PARVB: variants seen among roughly 807,000 people sequenced by gnomAD.
PARVB encodes the protein beta-parvin.
In PARVB, 46 loss-of-function variants were observed where a neutral mutation model predicts 47.0. That is an observed-to-expected ratio of 0.98 (90% confidence interval 0.77 to 1.25). The LOEUF is 1.25. PARVB is among the 50% of genes most tolerant of loss of function. The pLI, the probability that PARVB is intolerant of heterozygous loss-of-function variation, is 0.00. For missense variants in PARVB, 473 were observed against 471.6 expected (o/e 1.00, Z -0.03); for synonymous variants, 196 against 196.3 (o/e 1.00, Z 0.01).
Position 43,999,488 on chromosome 22 carries a change from G to A in PARVB, c.72-46G>A, listed in dbSNP as rs771018643. 3 of 1,555,234 alleles carry A rather than the reference G, an allele frequency of 1.9e-6. No homozygotes were observed. The African/African-American group carries it at 4.1e-5, about 21-fold the overall frequency. On this transcript the variant is annotated intron_variant, in intron 1 of 13. Coordinates refer to the PARVB transcript ENST00000406477. ...GAAGTCCAAATTTCTAGCTTCTCTT[G>A]AGAAACTGGATCCGACAAACAAAAA...
At position 44,172,938 on chromosome 22, in the gene PARVB, C is replaced by G; in HGVS notation, c.*4260C>G. 8.0e-7 allele frequency: 1 copy of G among 1,253,858 alleles called. No homozygotes were observed. The highest frequency in any genetic ancestry group is 1.0e-6 in the Non-Finnish European group (1 of 957,986). 77.7% of individuals were successfully genotyped at this position (1,253,858 alleles called of 1,614,324 possible). A position where few individuals can be genotyped will look rare whatever the true frequency, so the allele number is the denominator to read the frequency against. On this transcript the variant is annotated 3_prime_UTR_variant, in exon 13 of 13. Coordinates refer to ENST00000338758, the MANE Select transcript of PARVB (RefSeq NM_013327.5). ...TTTATTCCAATAAAGACCTCGTGAG[C>G]ATGGGCCTGTCCACCGTCTTTGTTT...
intron 1 of PARVB, among the ~76,000 whole-genome samples, chr22:44,061,712 G>A (rs1225009971): frequency 6.6e-6 from 1 of 151,644 alleles, no homozygotes; most frequent in Non-Finnish European, 1.5e-5. Context: ...TGCCTCCTGG[G>A]TTCAAGCAAT....
At chr22:44,133,756 C>T (rs961675992) in intron 6 of PARVB, among the ~76,000 whole-genome samples, 3 of 152,178 alleles carry the variant, frequency 2.0e-5, no homozygotes, top group Non-Finnish European at 2.9e-5. Context: ...AAGCTGGTCT[C>T]GAAGTCCTGG....
intron 12 of PARVB, among the ~76,000 whole-genome samples, chr22:44,166,439 G>A (rs1326358205): frequency 6.6e-6 from 1 of 152,208 alleles, no homozygotes; most frequent in African/African-American, 2.4e-5. Flanking sequence ...AGTGAGGCAG[G>A]AGCCTGTCCA....
Position 44,100,127 on chromosome 22 carries a change from A to T in PARVB, c.273+4A>T, listed in dbSNP as rs369658995. ...CAAGTTCAAGGAACTGGTCAAGGTAAGGAGCTCCGTCTTGGTTGGAATCTT... is the reference window on the plus strand; with the variant it reads ...CAAGTTCAAGGAACTGGTCAAGGTATGGAGCTCCGTCTTGGTTGGAATCTT... On this transcript the variant is annotated splice_donor_region_variant and intron_variant, in intron 3 of 12. Transcript: ENST00000338758. The T allele has an allele frequency of 2.5e-6, 4 of 1,611,122 alleles. No homozygotes were observed. The African/African-American group carries it at 5.3e-5, about 22-fold the overall frequency.
At chr22:44,088,529 T>C (rs1251053094) in intron 1 of PARVB, among the ~76,000 whole-genome samples, 1 of 152,180 alleles carries the variant, frequency 6.6e-6, no homozygotes, top group African/African-American at 2.4e-5. Context: ...TGGAGTGAAG[T>C]GGCACAACCT....
chr22:44,119,099 A>G lies in PARVB; in HGVS notation c.335A>G (p.Glu112Gly), dbSNP rs1268492708. ...GAGAGGATCATTGTGAAGCAGCTGG[A>G]GGAAGACCTGTATGACGGCCAGGTG... is the stretch of plus-strand genomic sequence containing the variant. ...VEERIIVKQLEEDLYDGQVLQ... is the reference protein window; with the variant it reads ...VEERIIVKQLGEDLYDGQVLQ... The change falls in exon 4 of 13, where the codon GAG (glutamate) becomes GGG (glycine). Residue 112 changes from glutamate (E) to glycine (G), a missense_variant. Glu to Gly is a moderately conservative substitution (Grantham distance 98, BLOSUM62 -2). Coordinates refer to ENST00000338758, the MANE Select transcript of PARVB (RefSeq NM_013327.5). The G allele has an allele frequency of 1.2e-6, 2 of 1,614,098 alleles. No individual in the cohort carries two copies. The highest frequency in any genetic ancestry group is 2.2e-5 in the South Asian group (2 of 91,074).
At chr22:44,093,153 AGCAAGGGTTTT>A (rs901878112) in intron 1 of PARVB, among the ~76,000 whole-genome samples, 59 of 152,208 alleles carry the variant, frequency 3.9e-4, no homozygotes, top group Admixed American at 2.7e-3. Flanking sequence ...ACATTACAGA[AGCAAGGGTTTT>A]GGCACCTGGT....
chr22:44,147,553 AG>A (rs1280265963), intron 8 of PARVB: 1 of 478,330 alleles, frequency 2.1e-6, no homozygotes, highest in Admixed American at 2.6e-5. Flanking sequence ...AGGACGTGGC[AG>A]GTGCAGATGC....
chr22:44,106,056 C>T (rs532584706), intron 3 of PARVB: 4 of 152,088 alleles, frequency 2.6e-5, no homozygotes, highest in Non-Finnish European at 4.4e-5. Flanking sequence ...TCTCAAACTC[C>T]TGACCTCAAG....
chr22:44,064,397 C>G lies in PARVB; in HGVS notation c.113-29531C>G, dbSNP rs182121370. ...TCAGAGCAGGAAATGTGTGTGGACTCGCGTTTGTTGAAGGGCCTGGCCGAG... is the reference window on the plus strand; with the variant it reads ...TCAGAGCAGGAAATGTGTGTGGACTGGCGTTTGTTGAAGGGCCTGGCCGAG... On this transcript the variant is annotated intron_variant, in intron 1 of 12. Transcript: ENST00000338758. 4.0e-3 allele frequency among the ~76,000 whole-genome samples: 604 copies of G among 152,132 alleles called. 2 individuals are homozygous for G. The highest frequency in any genetic ancestry group is 0.014 in the African/African-American group (568 of 41,492).
At chr22:44,081,035 C>T (rs910858703) in intron 1 of PARVB, among the ~76,000 whole-genome samples, 1 of 152,210 alleles carries the variant, frequency 6.6e-6, no homozygotes, top group Non-Finnish European at 1.5e-5. Context: ...CCCTCCATCC[C>T]TTGTTTGGGG....
chr22:44,007,903 T>C (rs950260911), intron 2 of PARVB, among the ~76,000 whole-genome samples: 4 of 152,218 alleles, frequency 2.6e-5, no homozygotes, highest in African/African-American at 9.6e-5. Context: ...GTGCCTCATC[T>C]AAGCAGGATC....
chr22:44,057,326 A>G (rs938049278), intron 1 of PARVB, among the ~76,000 whole-genome samples: 2 of 152,228 alleles, frequency 1.3e-5, no homozygotes, highest in Non-Finnish European at 2.9e-5. Context: ...CGAGTCATAT[A>G]TAATGGGATT....
chr22:44,027,741 C>T (rs933358076), intron 1 of PARVB, among the ~76,000 whole-genome samples: 4 of 151,788 alleles, frequency 2.6e-5, no homozygotes, highest in African/African-American at 4.8e-5. Context: ...CCAGTAAAAA[C>T]GCAAAAATTA....
intron 11 of PARVB, among the ~76,000 whole-genome samples, chr22:44,163,132 C>G (rs538772763): frequency 6.6e-6 from 1 of 152,166 alleles, no homozygotes; most frequent in African/African-American, 2.4e-5. Flanking sequence ...TGCCTCTGCA[C>G]GGGACTCATC....
exon 2 of PARVB, chr22:43,999,557 G>C: frequency 6.2e-7 from 1 of 1,602,256 alleles, no homozygotes; most frequent in African/African-American, 1.3e-5. Context: ...CTGAGACGTG[G>C]GTGTTCCTGC....
At chr22:44,021,759 TCACACACACACACA>T (rs3223605), upstream of PARVB, among the ~76,000 whole-genome samples, 1,913 of 102,746 alleles carry the variant, frequency 0.019, 21 homozygotes, top group South Asian at 0.028. Flanking sequence ...AAGTCTAGAC[TCACACACACACACA>T]CACACACACA....
chr22:44,097,667 G>A (rs568415525), intron 2 of PARVB, among the ~76,000 whole-genome samples: 112 of 152,276 alleles, frequency 7.4e-4, no homozygotes, highest in African/African-American at 2.6e-3. Flanking sequence ...AGGAGATCCC[G>A]GCGGGATCTG....
Sources: allele counts gnomAD v4.1 joint callset (sites outside exome capture counted in the v4.1 genomes callset), GRCh38; gene constraint gnomAD v4.1.1; transcripts MANE v1.5; gene names NCBI Gene and HGNC (gene_info 2026-07-23, HGNC 2026-07-21).